The following CERKL variants were observed in gnomAD, a reference collection of about 807,000 sequenced individuals.
CERKL encodes CERK like autophagy regulator, also known as ceramide kinase-like protein.
Under a neutral mutation model 63.4 loss-of-function variants are expected in CERKL, and 61 were observed. The observed-to-expected ratio is 0.96, with a 90% CI of 0.78 to 1.19. CERKL has a LOEUF of 1.19. Among genes scored for constraint, CERKL ranks in the 50% most tolerant of loss-of-function variants. The probability of loss-of-function intolerance (pLI) is 0.00; values close to 1 mark genes in which losing one functional copy is unlikely to be tolerated. For missense variants in CERKL, 675 were observed against 655.5 expected, an observed-to-expected ratio of 1.03 and a Z score of -0.33; for synonymous variants, 250 against 230.5, an observed-to-expected ratio of 1.08 and a Z score of -0.77.
intron 1 of CERKL, among the ~76,000 whole-genome samples, chr2:181,643,576 A>T (rs1317951371): frequency 1.3e-5 from 2 of 152,266 alleles, no homozygotes; most frequent in East Asian, 1.9e-4. Flanking sequence ...GGCAATGGTA[A>T]GAATTGTTTT....
chr2:181,539,296 G>GT lies in CERKL; in HGVS notation c.1366-33_1366-32insA, dbSNP rs1687378569. 12 of 1,406,230 alleles carry GT rather than the reference G, an allele frequency of 8.5e-6. No homozygotes were observed. The Admixed American group carries it at 1.8e-4, about 22-fold the overall frequency. 87.1% of individuals were successfully genotyped at this position (1,406,230 alleles called of 1,614,324 possible). A position where few individuals can be genotyped will look rare whatever the true frequency, so the allele number is the denominator to read the frequency against. ...ATAAATACAAATAATCATTATACTT[G>GT]GTTTATCTCTAGCTACTAACGCGAA... On this transcript the variant is annotated intron_variant, in intron 11 of 12. Coordinates refer to ENST00000410087, the MANE Select transcript of CERKL (RefSeq NM_201548.5).
At chr2:181,608,199 C>T (rs1267255471) in intron 1 of CERKL, among the ~76,000 whole-genome samples, 2 of 151,844 alleles carry the variant, frequency 1.3e-5, no homozygotes, top group Non-Finnish European at 2.9e-5. Context: ...GTTGCCTCTA[C>T]ACATGCTTTG....
chr2:181,614,256 C>G (rs1443223968), intron 1 of CERKL, among the ~76,000 whole-genome samples: 1 of 152,190 alleles, frequency 6.6e-6, no homozygotes, highest in Non-Finnish European at 1.5e-5. Context: ...TAGAGATCAT[C>G]TGATAAGATC....
chr2:181,609,533 T>TAAAAAAAAAAAAAAAAAAAAAAA (rs869037405), intron 1 of CERKL, among the ~76,000 whole-genome samples: 5 of 70,216 alleles, frequency 7.1e-5, no homozygotes, highest in Admixed American at 1.8e-4. Context: ...CTGTCTCTAC[T>TAAAAAAAAAAAAAAAAAAAAAAA]AAAAAAAAAA....
intron 5 of CERKL, among the ~76,000 whole-genome samples, chr2:181,553,183 T>G (rs1688061621): frequency 6.6e-6 from 1 of 152,196 alleles, no homozygotes. Flanking sequence ...AACCTGTTAC[T>G]CAGTGGATCT....
At chr2:181,638,884 C>G (rs906248381) in intron 1 of CERKL, among the ~76,000 whole-genome samples, 1 of 152,120 alleles carries the variant, frequency 6.6e-6, no homozygotes, top group Non-Finnish European at 1.5e-5. Context: ...CTGCCTCATC[C>G]CCTTTACGGG....
Position 181,558,841 on chromosome 2 carries a change from T to A in CERKL, c.678-133A>T. ...AACTGCTCACATGTACCTTTAAACA[T>A]GTTAATATGTGTCAATGGGTAAGAC... On this transcript the variant is annotated intron_variant, in intron 4 of 12. Coordinates refer to ENST00000410087, the MANE Select transcript of CERKL (RefSeq NM_201548.5). This position sits in a 1 kb window ranked among gnomAD's most constrained non-coding sequence, Gnocchi z 4.2. 1 of 829,460 alleles carries A rather than the reference T, an allele frequency of 1.2e-6. No individual in the cohort carries two copies. Among genetic ancestry groups the A allele is most frequent in the Non-Finnish European group, 2.0e-6 (1 of 503,236 alleles). 51.4% of individuals were successfully genotyped at this position (829,460 alleles called of 1,614,324 possible).
chr2:181,544,674 T>G, intron 11 of CERKL, 26 bp downstream of exon 11: 1 of 1,332,784 alleles, frequency 7.5e-7, no homozygotes, highest in Non-Finnish European at 1.1e-6. Context: ...GCTTTGCAAA[T>G]AAGTAACAAA....
intron 1 of CERKL, among the ~76,000 whole-genome samples, chr2:181,607,718 T>C (rs567952011): frequency 2.2e-4 from 33 of 152,250 alleles, no homozygotes; most frequent in Non-Finnish European, 3.7e-4. Context: ...TCTTGCACCC[T>C]TCCTCTACCC....
At chr2:181,583,777 C>T (rs376068980) in intron 2 of CERKL, among the ~76,000 whole-genome samples, 43 of 152,016 alleles carry the variant, frequency 2.8e-4, no homozygotes, top group Admixed American at 7.9e-4. Flanking sequence ...ATAAAACATA[C>T]GAAAAAACAT....
chr2:181,544,640 G>A, intron 11 of CERKL, 60 bp downstream of exon 11: 1 of 946,024 alleles, frequency 1.1e-6, no homozygotes, highest in South Asian at 1.4e-5. Context: ...AATTCTTGCA[G>A]CATCTTTTTC....
At chr2:181,565,490 A>G in intron 4 of CERKL, 1 of 1,611,336 alleles carries the variant, frequency 6.2e-7, no homozygotes, top group Non-Finnish European at 8.5e-7. Context: ...ATGTATTGCG[A>G]ACAATGGTTT....
At chr2:181,595,125 A>T (rs1685145134) in intron 2 of CERKL, among the ~76,000 whole-genome samples, 1 of 152,182 alleles carries the variant, frequency 6.6e-6, no homozygotes, top group Non-Finnish European at 1.5e-5. Context: ...AATTCTGTAG[A>T]TTTACAGAAT....
chr2:181,568,639 C>T (rs957671382), intron 3 of CERKL, among the ~76,000 whole-genome samples: 4 of 150,272 alleles, frequency 2.7e-5, no homozygotes, highest in African/African-American at 9.8e-5. Context: ...AATGACATGG[C>T]GTTCAAAGTA....
chr2:181,575,361 T>G (rs181508163), intron 2 of CERKL, among the ~76,000 whole-genome samples: 43 of 152,304 alleles, frequency 2.8e-4, no homozygotes, highest in Non-Finnish European at 5.1e-4. Flanking sequence ...TAAAGAAACA[T>G]GTATTGAGCA....
At chr2:181,645,743 A>G (rs1471328661) in intron 1 of CERKL, among the ~76,000 whole-genome samples, 1 of 152,242 alleles carries the variant, frequency 6.6e-6, no homozygotes, top group Non-Finnish European at 1.5e-5. Context: ...ACTAGTCCCA[A>G]GAGTACTTCA....
chr2:181,653,505 C>G (rs536702470), intron 1 of CERKL, among the ~76,000 whole-genome samples: 2 of 152,150 alleles, frequency 1.3e-5, no homozygotes, highest in Non-Finnish European at 2.9e-5. Context: ...TGGAATCAAC[C>G]TAAGCGTACA....
At chr2:181,540,774 T>C (rs1258755801) in intron 11 of CERKL, among the ~76,000 whole-genome samples, 2 of 152,062 alleles carry the variant, frequency 1.3e-5, no homozygotes, top group East Asian at 1.9e-4. Flanking sequence ...GAGGGTATGT[T>C]TGGGGCACGG....
chr2:181,592,989 A>G (rs1685049997), intron 2 of CERKL, among the ~76,000 whole-genome samples: 1 of 152,164 alleles, frequency 6.6e-6, no homozygotes, highest in Non-Finnish European at 1.5e-5. Context: ...TATGGATTCT[A>G]TAGAAGCTCA....
Sources: allele counts gnomAD v4.1 joint callset (sites outside exome capture counted in the v4.1 genomes callset), GRCh38; gene constraint gnomAD v4.1.1; non-coding constraint Gnocchi (gnomAD v3.1); transcripts MANE v1.5; gene names NCBI Gene and HGNC (gene_info 2026-07-23, HGNC 2026-07-21).